The following MAP3K21 variants were observed in gnomAD, a reference collection of about 807,000 sequenced individuals.
The protein encoded by MAP3K21 is mitogen-activated protein kinase kinase kinase MLK4.
A neutral mutation model predicts 86.1 loss-of-function variants in MAP3K21; 63 were observed. The ratio of observed to expected loss-of-function variants is 0.73; its 90% CI spans 0.60 to 0.90. The LOEUF (loss-of-function observed/expected upper bound fraction) is 0.90, where lower values mean the gene tolerates loss of function less well. Ranked by LOEUF, MAP3K21 falls within the 40% of genes least tolerant of loss-of-function variation. MAP3K21 has a pLI of 0.00. For missense variants in MAP3K21, 1,220 were observed against 1,367.7 expected (o/e 0.89, Z 1.70); for synonymous variants, 558 against 564.8 (o/e 0.99, Z 0.17).
chr1:233,338,503 A>G (rs985288043), intron 1 of MAP3K21, among the ~76,000 whole-genome samples: 1 of 152,290 alleles, frequency 6.6e-6, no homozygotes, highest in African/African-American at 2.4e-5. Context: ...GCAAAGGAGG[A>G]TGGAAATGTT....
At chr1:233,364,798 C>T (rs954886569) in intron 5 of MAP3K21, among the ~76,000 whole-genome samples, 2 of 151,914 alleles carry the variant, frequency 1.3e-5, no homozygotes, top group Non-Finnish European at 2.9e-5. Context: ...TAAAACATAA[C>T]CAAGAAATCT....
intron 1 of MAP3K21, among the ~76,000 whole-genome samples, chr1:233,340,106 G>A (rs1341310198): frequency 6.6e-6 from 1 of 152,216 alleles, no homozygotes; most frequent in Non-Finnish European, 1.5e-5. Context: ...AGTGTAACGG[G>A]CAAGGTACAG....
In MAP3K21 at chr1:233,328,103, G is replaced by A. The variant is rs1206414668; in HGVS notation, c.75G>A (p.Ala25=). The change falls in exon 1 of 10, where the codon GCG becomes GCA. Residue 25 remains alanine, a synonymous_variant. Coordinates refer to ENST00000366624, the MANE Select transcript of MAP3K21 (RefSeq NM_032435.3). The surrounding 1 kb of genome is among the most constrained non-coding windows in gnomAD (Gnocchi z 8.7). ...CCGGGGGAGCCCCCGGCGGCTCAGC[G>A]TCCTCGTCGTCCACCTCCTCGGGCG... ...SSAGGAPGGS[A]SSSSTSSGGS... The A allele has an allele frequency of 7.2e-7, 1 of 1,380,890 alleles. No individual in the cohort carries two copies. Among genetic ancestry groups the A allele is most frequent in the Middle Eastern group, 2.6e-4 (1 of 3,832 alleles). 85.5% of individuals were successfully genotyped at this position (1,380,890 alleles called of 1,614,324 possible).
chr1:233,365,496 A>G (rs368697009), intron 5 of MAP3K21, among the ~76,000 whole-genome samples: 4 of 152,368 alleles, frequency 2.6e-5, no homozygotes, highest in Middle Eastern at 3.4e-3. Context: ...AAAAGAAGAC[A>G]TAAAAATGGC....
chr1:233,354,237 T>G (rs546086076), intron 3 of MAP3K21, among the ~76,000 whole-genome samples: 1 of 152,072 alleles, frequency 6.6e-6, no homozygotes, highest in Admixed American at 6.5e-5. Flanking sequence ...ATGAGTAGAG[T>G]TCAAATACAG....
chr1:233,374,448 ACAGGCGTGAGC>A (rs1663748772), intron 6 of MAP3K21, among the ~76,000 whole-genome samples: 1 of 152,232 alleles, frequency 6.6e-6, no homozygotes, highest in African/African-American at 2.4e-5. Context: ...TGCTGGGATT[ACAGGCGTGAGC>A]CATCGCACCC....
Position 233,379,313 on chromosome 1 carries a change from G to T in MAP3K21, c.2307G>T (p.Lys769Asn). The change falls in exon 9 of 10, where the codon AAG becomes AAT. Residue 769 changes from lysine (K) to asparagine (N), a missense_variant. Physicochemically the swap from Lys to Asn is moderately conservative, Grantham distance 94. Coordinates refer to ENST00000366624, the MANE Select transcript of MAP3K21 (RefSeq NM_032435.3). Reference protein sequence around the residue: ...KREGIFQRASKSRRSASPPTS... With the variant: ...KREGIFQRASNSRRSASPPTS... ...AGGGAATCTTCCAGCGGGCTTCCAA[G>T]TCCCGCAGAAGCGCCAGTCCTCCCA... The T allele has an allele frequency of 6.2e-7, 1 of 1,614,088 alleles. No homozygotes were observed. Among genetic ancestry groups the T allele is most frequent in the East Asian group, 2.2e-5 (1 of 44,896 alleles).
At chr1:233,332,133 C>T (rs1170241279) in intron 1 of MAP3K21, among the ~76,000 whole-genome samples, 1 of 152,150 alleles carries the variant, frequency 6.6e-6, no homozygotes, top group Non-Finnish European at 1.5e-5. Flanking sequence ...GGAATGCCCA[C>T]CCTGTGCCAG....
chr1:233,328,851 G>A lies in MAP3K21; in HGVS notation c.805+18G>A, dbSNP rs1174628182. 6.7e-7 allele frequency: 1 copy of A among 1,489,644 alleles called. No individual in the cohort carries two copies. The highest frequency in any genetic ancestry group is 9.0e-7 in the Non-Finnish European group (1 of 1,115,740). 92.3% of individuals were successfully genotyped at this position (1,489,644 alleles called of 1,614,324 possible). A position where few individuals can be genotyped will look rare whatever the true frequency, so the allele number is the denominator to read the frequency against. On this transcript the variant is annotated intron_variant, in intron 1 of 9. Coordinates refer to ENST00000366624, the MANE Select transcript of MAP3K21 (RefSeq NM_032435.3). The surrounding 1 kb of genome is among the most constrained non-coding windows in gnomAD (Gnocchi z 8.7). Reference sequence around the variant, plus strand: ...CAGCAACAGTAAGTGGGGCCAGAGGGAGGTGGGGGAAGACTACCTCCGTGC... The same window carrying A: ...CAGCAACAGTAAGTGGGGCCAGAGGAAGGTGGGGGAAGACTACCTCCGTGC...
intron 5 of MAP3K21, among the ~76,000 whole-genome samples, chr1:233,369,316 G>A (rs1034856195): frequency 6.6e-6 from 1 of 151,736 alleles, no homozygotes; most frequent in Non-Finnish European, 1.5e-5. Flanking sequence ...CTTGAACCCG[G>A]GAGGTGGAGG....
chr1:233,344,833 CT>C (rs1293858175), intron 1 of MAP3K21, among the ~76,000 whole-genome samples: 35 of 152,222 alleles, frequency 2.3e-4, no homozygotes, highest in Admixed American at 2.1e-3. Flanking sequence ...ATCTACCCAT[CT>C]GACAAAGGGC....
Position 233,372,116 on chromosome 1 carries a change from C to T in MAP3K21, c.1631C>T (p.Pro544Leu). ...AGCCTGAACAGCAGCAGTTCCAGTC[C>T]CCCGAGCAGCCCCACAATGATGCCC... is the stretch of plus-strand genomic sequence containing the variant. ...RRSLNSSSSS[P>L]PSSPTMMPRL... The change falls in exon 6 of 10, where the codon CCC (proline) becomes CTC (leucine). Residue 544 changes from proline (P) to leucine (L), a missense_variant. Pro to Leu is a moderately conservative substitution (Grantham distance 98, BLOSUM62 -3). This residue lies in a region of MAP3K21 where 632 missense variants were observed against 691.3 expected (regional missense o/e 0.91). Coordinates refer to ENST00000366624, the MANE Select transcript of MAP3K21 (RefSeq NM_032435.3). 6.2e-7 allele frequency: 1 copy of T among 1,614,114 alleles called. No homozygotes were observed. Among genetic ancestry groups the T allele is most frequent in the Non-Finnish European group, 8.5e-7 (1 of 1,180,012 alleles).
intron 6 of MAP3K21, 44 bp downstream of exon 6, chr1:233,372,204 C>T (rs747615119): frequency 6.2e-7 from 1 of 1,605,676 alleles, no homozygotes; most frequent in African/African-American, 1.3e-5. Flanking sequence ...GTTGACTTCT[C>T]TCCTTTCACT....
At chr1:233,342,510 C>T (rs1464007080) in intron 1 of MAP3K21, among the ~76,000 whole-genome samples, 6 of 152,092 alleles carry the variant, frequency 3.9e-5, no homozygotes, top group Middle Eastern at 3.2e-3. Context: ...CTATGTTAGG[C>T]GATATGGAGG....
At chr1:233,334,357 C>A (rs1662873884) in intron 1 of MAP3K21, among the ~76,000 whole-genome samples, 1 of 152,000 alleles carries the variant, frequency 6.6e-6, no homozygotes, top group Non-Finnish European at 1.5e-5. Context: ...ATATCAGTGT[C>A]CTCATTTACT....
intron 1 of MAP3K21, among the ~76,000 whole-genome samples, 199 bp from the exon 2 acceptor site, chr1:233,346,243 T>A (rs775812062): frequency 9.9e-5 from 15 of 152,224 alleles, no homozygotes; most frequent in Admixed American, 2.0e-4. Flanking sequence ...AAGTTGTGTC[T>A]TAAAATAACT....
At chr1:233,357,415 GA>G (rs1663381230) in intron 4 of MAP3K21, among the ~76,000 whole-genome samples, 1 of 150,826 alleles carries the variant, frequency 6.6e-6, no homozygotes, top group Non-Finnish European at 1.5e-5. Flanking sequence ...AAAAAAAAAA[GA>G]AAAAATAAAA....
At chr1:233,340,294 G>T (rs1663016087) in intron 1 of MAP3K21, among the ~76,000 whole-genome samples, 1 of 152,210 alleles carries the variant, frequency 6.6e-6, no homozygotes, top group Admixed American at 6.5e-5. Context: ...CTCAGTGCTG[G>T]TGCCCTGATT....
In MAP3K21 at chr1:233,362,278, A is replaced by G; in HGVS notation, c.1537A>G (p.Ile513Val). The change falls in exon 5 of 10, where the codon ATC becomes GTC. Residue 513 changes from isoleucine to valine, a missense_variant. Transcript: ENST00000366624. Reference sequence around the variant, plus strand: ...TTTAAAGCTCAAAGATGGACATCGAATCAGTTTACCTTCAGGTATGATCTT... The same window carrying G: ...TTTAAAGCTCAAAGATGGACATCGAGTCAGTTTACCTTCAGGTATGATCTT... ...SRLKLKDGHR[I>V]SLPSDFQHKI... is the part of the protein sequence containing the mutation. 6.2e-7 allele frequency: 1 copy of G among 1,614,194 alleles called. No individual in the cohort carries two copies. The highest frequency in any genetic ancestry group is 8.5e-7 in the Non-Finnish European group (1 of 1,180,026).
Sources: allele counts gnomAD v4.1 joint callset (sites outside exome capture counted in the v4.1 genomes callset), GRCh38; gene constraint gnomAD v4.1.1; regional missense constraint gnomAD v4.1.1; non-coding constraint Gnocchi (gnomAD v3.1); transcripts MANE v1.5; gene names NCBI Gene and HGNC (gene_info 2026-07-23, HGNC 2026-07-21).